The following CAMTA1 variants were observed in gnomAD, a reference collection of about 807,000 sequenced individuals.
The protein encoded by CAMTA1 is calmodulin binding transcription activator 1.
In CAMTA1, 27 loss-of-function variants were observed where a neutral mutation model predicts 170.9. The observed-to-expected ratio is 0.16, with a 90% confidence interval of 0.12 to 0.22. The LOEUF (loss-of-function observed/expected upper bound fraction) is 0.22, where lower values mean the gene tolerates loss of function less well. Ranked by LOEUF, CAMTA1 falls within the 10% of genes least tolerant of loss-of-function variation. The probability of loss-of-function intolerance (pLI) is 1.00; values close to 1 mark genes in which losing one functional copy is unlikely to be tolerated. For missense variants in CAMTA1, 1,619 were observed against 2,217.2 expected (o/e 0.73, Z 5.42); for synonymous variants, 833 against 891.5 (o/e 0.93, Z 1.17).
At chr1:6,945,659 T>C (rs1687448358) in intron 3 of CAMTA1, among the ~76,000 whole-genome samples, 1 of 152,196 alleles carries the variant, frequency 6.6e-6, no homozygotes. Context: ...CTATGCCTTT[T>C]AGCTGTCACT....
chr1:7,644,317 A>G (rs74053145), intron 7 of CAMTA1, among the ~76,000 whole-genome samples: 2,750 of 152,290 alleles, frequency 0.018, 69 homozygotes, highest in African/African-American at 0.063. Context: ...GAAAAAAAAC[A>G]CACACAGAAA....
intron 3 of CAMTA1, among the ~76,000 whole-genome samples, chr1:7,024,618 C>T (rs768780249): frequency 2.4e-4 from 36 of 152,242 alleles, no homozygotes; most frequent in African/African-American, 5.5e-4. Context: ...ATTGTTCACC[C>T]GATGTGTTTC....
chr1:6,977,290 G>A (rs1437318977), intron 3 of CAMTA1, among the ~76,000 whole-genome samples: 2 of 152,000 alleles, frequency 1.3e-5, no homozygotes, highest in East Asian at 1.9e-4. Flanking sequence ...CTGTTCACTC[G>A]GTGCCAGTGG....
chr1:7,052,689 C>T (rs538913075), intron 3 of CAMTA1, among the ~76,000 whole-genome samples: 3 of 152,278 alleles, frequency 2.0e-5, no homozygotes, highest in East Asian at 1.9e-4. Flanking sequence ...TGCCCACACC[C>T]GCCCAGTACC....
rs192996956 is a variant in CAMTA1 at position 7,549,976 on chromosome 1, G to A, written c.510+82075G>A. Reference sequence around the variant, plus strand: ...ACAGAGGTTAGGGGCTCTGGTGCTCGGAGGAGGAGTCTCAAAGGAATCTGA... The same window carrying A: ...ACAGAGGTTAGGGGCTCTGGTGCTCAGAGGAGGAGTCTCAAAGGAATCTGA... On this transcript the variant is annotated intron_variant, in intron 6 of 22. Transcript: ENST00000303635. Among the ~76,000 whole-genome samples, 167 of 152,152 alleles carry A rather than the reference G, an allele frequency of 1.1e-3. 1 individual carries two copies. Among genetic ancestry groups the A allele is most frequent in the African/African-American group, 3.0e-3 (126 of 41,500 alleles).
intron 3 of CAMTA1, among the ~76,000 whole-genome samples, chr1:6,975,619 T>C (rs902108627): frequency 6.6e-6 from 1 of 152,186 alleles, no homozygotes; most frequent in African/African-American, 2.4e-5. Flanking sequence ...TGGAGCCTGC[T>C]TGGAGCATAA....
At chr1:7,554,725 C>A (rs2094852808) in intron 6 of CAMTA1, among the ~76,000 whole-genome samples, 1 of 152,138 alleles carries the variant, frequency 6.6e-6, no homozygotes, top group Non-Finnish European at 1.5e-5. Context: ...AAGCTGGGTT[C>A]TTCCTCCTCC....
In CAMTA1 at chr1:7,732,638, C is replaced by T; in HGVS notation, c.3066+39C>T. The stretch of plus-strand genomic sequence containing the variant: ...CTGATGCTCAGCTCCCATTTCGCTT[C>T]ATGTTTATGGATTGGCGAGGCAGTG... On this transcript the variant is annotated intron_variant, in intron 12 of 22. Coordinates refer to ENST00000303635, the MANE Select transcript of CAMTA1 (RefSeq NM_015215.4). The surrounding 1 kb of genome is among the most constrained non-coding windows in gnomAD (Gnocchi z 4.1). The T allele has an allele frequency of 1.3e-6, 2 of 1,531,474 alleles. No homozygotes were observed. Among genetic ancestry groups the T allele is most frequent in the Non-Finnish European group, 1.8e-6 (2 of 1,137,506 alleles). 94.9% of individuals were successfully genotyped at this position (1,531,474 alleles called of 1,614,324 possible).
chr1:7,258,642 T>G (rs1667749691), intron 5 of CAMTA1, among the ~76,000 whole-genome samples: 1 of 152,206 alleles, frequency 6.6e-6, no homozygotes, highest in African/African-American at 2.4e-5. Context: ...ACTTTTCCCC[T>G]TGGTAAGTGA....
intron 3 of CAMTA1, among the ~76,000 whole-genome samples, chr1:6,900,788 C>A (rs1412981801): frequency 6.6e-6 from 1 of 152,164 alleles, no homozygotes; most frequent in East Asian, 1.9e-4. Context: ...AAGAGAAGAT[C>A]TATATAAATG....
chr1:7,040,561 G>A (rs944861670), intron 3 of CAMTA1, among the ~76,000 whole-genome samples: 1 of 152,060 alleles, frequency 6.6e-6, no homozygotes, highest in African/African-American at 2.4e-5. Flanking sequence ...TCCCAAATGA[G>A]CTCTTGGCAC....
chr1:6,942,252 T>C (rs1052778667), intron 3 of CAMTA1, among the ~76,000 whole-genome samples: 8 of 152,362 alleles, frequency 5.3e-5, no homozygotes, highest in Non-Finnish European at 1.2e-4. Flanking sequence ...TAAATGAATT[T>C]AGTATTTTAA....
intron 6 of CAMTA1, among the ~76,000 whole-genome samples, chr1:7,591,641 G>A (rs1286884256): frequency 5.9e-5 from 9 of 152,204 alleles, no homozygotes; most frequent in South Asian, 2.1e-4. Context: ...AATCCCTCCC[G>A]TGACTCCTGT....
At chr1:7,289,568 A>C (rs548787514) in intron 5 of CAMTA1, among the ~76,000 whole-genome samples, 1 of 152,306 alleles carries the variant, frequency 6.6e-6, no homozygotes, top group Admixed American at 6.5e-5. Context: ...TATCCTCCCA[A>C]AAGGCATGTC....
At chr1:7,279,804 G>C (rs1227565833) in intron 5 of CAMTA1, among the ~76,000 whole-genome samples, 8 of 151,464 alleles carry the variant, frequency 5.3e-5, no homozygotes, top group African/African-American at 2.0e-4. Context: ...CCCTGTGTCT[G>C]TTCCCTGGAA....
Position 7,732,708 on chromosome 1 carries a change from T to C in CAMTA1, c.3066+109T>C. 3.5e-6 allele frequency: 5 copies of C among 1,431,588 alleles called. No individual in the cohort carries two copies. The South Asian group carries it at 7.4e-5, about 21-fold the overall frequency. 88.7% of individuals were successfully genotyped at this position (1,431,588 alleles called of 1,614,324 possible). A position where few individuals can be genotyped will look rare whatever the true frequency, so the allele number is the denominator to read the frequency against. On this transcript the variant is annotated intron_variant, in intron 12 of 22. Transcript: ENST00000303635. The surrounding 1 kb of genome is among the most constrained non-coding windows in gnomAD (Gnocchi z 4.1). ...CTCTGCTGCTGATGCGGTCCCTGTA[T>C]TCAGGCAGAAGGCCTGAGGGAGTAC...
chr1:6,974,069 AAGAC>A (rs1316322232), intron 3 of CAMTA1, among the ~76,000 whole-genome samples: 2 of 152,200 alleles, frequency 1.3e-5, no homozygotes, highest in East Asian at 3.8e-4. Context: ...CATTTGTCTG[AAGAC>A]AGACAGACAG....
chr1:6,792,595 A>G (rs780684931), intron 1 of CAMTA1, among the ~76,000 whole-genome samples: 1 of 151,774 alleles, frequency 6.6e-6, no homozygotes, highest in Non-Finnish European at 1.5e-5. Context: ...AGGATTGTTC[A>G]TTTACTTCGA....
intron 3 of CAMTA1, among the ~76,000 whole-genome samples, chr1:6,985,856 A>G (rs1035586857): frequency 2.6e-5 from 4 of 152,222 alleles, no homozygotes; most frequent in African/African-American, 7.2e-5. Context: ...TGACTAACAA[A>G]TGAGGAGAGA....
Sources: gnomAD v4.1 joint callset for allele counts (sites outside exome capture counted in the v4.1 genomes callset) on GRCh38, gnomAD v4.1.1 for gene constraint, Gnocchi (gnomAD v3.1) non-coding constraint, MANE v1.5 for transcripts, NCBI Gene and HGNC (gene_info 2026-07-23, HGNC 2026-07-21) for gene names.